Variants in NEGR1 observed in about 807,000 individuals in gnomAD.
The protein encoded by NEGR1 is IgLON family member 4.
A neutral mutation model predicts 40.9 loss-of-function variants in NEGR1; 10 were observed. The ratio of observed to expected loss-of-function variants is 0.24; its 90% CI spans 0.15 to 0.42. The LOEUF is 0.42. Among genes scored for constraint, NEGR1 ranks in the 10% least tolerant of loss-of-function variants. NEGR1 has a pLI of 1.00. For missense variants in NEGR1, 352 were observed against 438.9 expected (o/e 0.80, Z 1.77); for synonymous variants, 185 against 166.8 (o/e 1.11, Z -0.84).
chr1:72,043,710 A>T (rs1646975730), intron 1 of NEGR1, among the ~76,000 whole-genome samples: 2 of 151,936 alleles, frequency 1.3e-5, no homozygotes, highest in African/African-American at 4.8e-5. Context: ...TGAGTTTTCC[A>T]TCATGATCGA....
chr1:71,407,647 C>T, intron 6 of NEGR1, 77 bp from the exon 7 acceptor site: 1 of 1,437,910 alleles, frequency 7.0e-7, no homozygotes, highest in Non-Finnish European at 9.7e-7. Flanking sequence ...AAAAGGTAGC[C>T]AGGTGCATCG....
intron 1 of NEGR1, among the ~76,000 whole-genome samples, chr1:72,279,272 C>T (rs1168662887): frequency 6.6e-6 from 1 of 152,068 alleles, no homozygotes; most frequent in East Asian, 1.9e-4. Context: ...TGATCCTCTT[C>T]TCAAAAACAG....
chr1:71,458,734 A>G (rs1646693000), intron 6 of NEGR1, among the ~76,000 whole-genome samples: 1 of 152,216 alleles, frequency 6.6e-6, no homozygotes, highest in African/African-American at 2.4e-5. Flanking sequence ...CTTCATGGTA[A>G]CACAGGACAT....
At chr1:71,796,259 T>C (rs1657320963) in intron 2 of NEGR1, among the ~76,000 whole-genome samples, 1 of 152,114 alleles carries the variant, frequency 6.6e-6, no homozygotes, top group South Asian at 2.1e-4. Context: ...GGGTCATGTT[T>C]CAGCCTGTGC....
chr1:71,989,836 C>A (rs1646434092), intron 1 of NEGR1, among the ~76,000 whole-genome samples: 1 of 152,096 alleles, frequency 6.6e-6, no homozygotes, highest in Admixed American at 6.5e-5. Context: ...AGTCAAAACT[C>A]CTTGCCTAGA....
At chr1:71,454,169 G>A (rs1239145261) in intron 6 of NEGR1, among the ~76,000 whole-genome samples, 1 of 152,020 alleles carries the variant, frequency 6.6e-6, no homozygotes, top group Non-Finnish European at 1.5e-5. Flanking sequence ...CTGTTCATTG[G>A]CATCAAGTGA....
At chr1:72,101,281 G>T (rs1186897458) in intron 1 of NEGR1, among the ~76,000 whole-genome samples, 1 of 152,108 alleles carries the variant, frequency 6.6e-6, no homozygotes, top group African/African-American at 2.4e-5. Flanking sequence ...GTGAAAACTA[G>T]TTAAGTAATA....
intron 1 of NEGR1, among the ~76,000 whole-genome samples, chr1:72,105,754 A>G (rs1447063060): frequency 6.6e-6 from 1 of 152,060 alleles, no homozygotes; most frequent in Non-Finnish European, 1.5e-5. Context: ...ATGGGTAGGG[A>G]AAGGAAGGAG....
At chr1:71,719,482 T>C (rs1654425711) in intron 3 of NEGR1, among the ~76,000 whole-genome samples, 1 of 152,118 alleles carries the variant, frequency 6.6e-6, no homozygotes, top group Admixed American at 6.5e-5. Context: ...GATCTAGAAT[T>C]GATGGCTAAG....
intron 4 of NEGR1, 118 bp downstream of exon 4, chr1:71,697,890 A>C: frequency 1.1e-6 from 1 of 873,116 alleles, no homozygotes; most frequent in Non-Finnish European, 1.8e-6. Context: ...CAGTGTTAGT[A>C]GGTGATTTTT....
chr1:71,622,908 G>T (rs1361999504), intron 4 of NEGR1, among the ~76,000 whole-genome samples: 1 of 151,740 alleles, frequency 6.6e-6, no homozygotes, highest in Non-Finnish European at 1.5e-5. Flanking sequence ...TTCCCTCTCA[G>T]AATAATAACT....
intron 6 of NEGR1, among the ~76,000 whole-genome samples, chr1:71,500,798 T>G (rs1646993745): frequency 6.6e-6 from 1 of 152,082 alleles, no homozygotes; most frequent in Non-Finnish European, 1.5e-5. Context: ...ACCATATACT[T>G]TTAATCATCT....
chr1:72,101,942 T>G (rs1398693232), intron 1 of NEGR1, among the ~76,000 whole-genome samples: 2 of 152,158 alleles, frequency 1.3e-5, no homozygotes, highest in Admixed American at 6.6e-5. Context: ...TAAATACATG[T>G]TAGTTCTTTA....
At chr1:71,921,392 C>T (rs1260793007) in intron 2 of NEGR1, among the ~76,000 whole-genome samples, 1 of 152,018 alleles carries the variant, frequency 6.6e-6, no homozygotes, top group Non-Finnish European at 1.5e-5. Flanking sequence ...CAGGTTTAAA[C>T]TTCAAGAGTC....
chr1:72,261,748 G>T (rs1655465294), intron 1 of NEGR1, among the ~76,000 whole-genome samples: 1 of 151,952 alleles, frequency 6.6e-6, no homozygotes. Context: ...TATCCTAGGT[G>T]AAATAATTCA....
At chr1:72,136,620 A>T (rs977092313) in intron 1 of NEGR1, among the ~76,000 whole-genome samples, 3 of 132,062 alleles carry the variant, frequency 2.3e-5, no homozygotes, top group Non-Finnish European at 3.1e-5. Flanking sequence ...CTGAAACAAT[A>T]AAAAAAAAAA....
At chr1:71,978,997 A>G (rs1050622275) in intron 1 of NEGR1, among the ~76,000 whole-genome samples, 1 of 152,228 alleles carries the variant, frequency 6.6e-6, no homozygotes, top group Non-Finnish European at 1.5e-5. Context: ...AATATGGTAC[A>G]TATACACTAT....
At chr1:72,142,927 C>T (rs1040183863) in intron 1 of NEGR1, among the ~76,000 whole-genome samples, 1 of 151,800 alleles carries the variant, frequency 6.6e-6, no homozygotes, top group Non-Finnish European at 1.5e-5. Context: ...TTGGAAGGTA[C>T]ATTTTGCTAC....
In NEGR1 at chr1:72,060,916, G is replaced by T. The variant is rs12076328; in HGVS notation, c.177-125605C>A. Among the ~76,000 whole-genome samples, 1,295 of 151,562 alleles carry T rather than the reference G, an allele frequency of 8.5e-3. 17 individuals are homozygous for T. Among genetic ancestry groups the T allele is most frequent in the African/African-American group, 0.03 (1,250 of 41,400 alleles). ...TTTTTTTTCCCTCAGCAACAGAGCA[G>T]GTGCAAGTTACCATAACGTTTTCCA... On this transcript the variant is annotated intron_variant, in intron 1 of 6. Coordinates refer to ENST00000357731, the MANE Select transcript of NEGR1 (RefSeq NM_173808.3).
Sources: gnomAD v4.1 joint callset for allele counts (sites outside exome capture counted in the v4.1 genomes callset) on GRCh38, gnomAD v4.1.1 for gene constraint, MANE v1.5 for transcripts, NCBI Gene and HGNC (gene_info 2026-07-23, HGNC 2026-07-21) for gene names.